Variants in SLC5A11 observed in about 807,000 individuals in gnomAD.
The protein encoded by SLC5A11 is solute carrier family 5 member 11, also known as sodium/myo-inositol cotransporter 2.
A neutral mutation model predicts 69.8 loss-of-function variants in SLC5A11; 48 were observed. The observed-to-expected ratio is 0.69, with a 90% CI of 0.55 to 0.87. The LOEUF (loss-of-function observed/expected upper bound fraction) is 0.87, where lower values mean the gene tolerates loss of function less well. SLC5A11 is among the 40% of genes least tolerant of loss of function. The pLI, the probability that SLC5A11 is intolerant of heterozygous loss-of-function variation, is 0.00. For synonymous variants in SLC5A11, 319 were observed against 342.4 expected (o/e 0.93, Z 0.75); for missense variants, 784 against 866.1 (o/e 0.91, Z 1.19).
At chr16:24,856,565 A>T (rs919679580) in intron 1 of SLC5A11, among the ~76,000 whole-genome samples, 1 of 145,208 alleles carries the variant, frequency 6.9e-6, no homozygotes, top group African/African-American at 2.6e-5. Flanking sequence ...CATCCTGGCT[A>T]ACACGGTGAA....
exon 1 of SLC5A11, chr16:24,846,243 G>A (rs1014151912): frequency 6.6e-6 from 1 of 152,518 alleles, no homozygotes; most frequent in African/African-American, 2.4e-5. Context: ...TGAGGCTGGA[G>A]TTTGGAGTTT....
At chr16:24,861,810 A>AAG (rs142733000) in intron 2 of SLC5A11, among the ~76,000 whole-genome samples, 3 of 148,608 alleles carry the variant, frequency 2.0e-5, no homozygotes, top group Admixed American at 1.3e-4. Context: ...AAGAAAAGAA[A>AAG]AAAGAAAGAA....
chr16:24,896,279 G>C (rs1013147463), intron 9 of SLC5A11, among the ~76,000 whole-genome samples: 1 of 152,006 alleles, frequency 6.6e-6, no homozygotes, highest in Admixed American at 6.6e-5. Context: ...GAGGCCAGGG[G>C]TTCAAGACCA....
intron 8 of SLC5A11, among the ~76,000 whole-genome samples, chr16:24,885,318 A>G (rs900150553): frequency 6.6e-6 from 1 of 151,970 alleles, no homozygotes; most frequent in African/African-American, 2.4e-5. Flanking sequence ...ACAGGTTTCT[A>G]TCTTTTAGAG....
At position 24,907,665 on chromosome 16, in the gene SLC5A11, G is replaced by A. The variant is rs544400773; in HGVS notation, c.1266-298G>A. ...AGAGGTTGCAGTGAGCCAAGATGAC[G>A]CACTGCACTCCCGCCTGGGTGACAG... On this transcript the variant is annotated intron_variant, in intron 12 of 15. Transcript: ENST00000347898. Among the ~76,000 whole-genome samples, 128 of 151,388 alleles carry A rather than the reference G, an allele frequency of 8.5e-4. 1 individual carries two copies. Among genetic ancestry groups the A allele is most frequent in the East Asian group, 4.5e-3 (23 of 5,142 alleles).
At chr16:24,877,334 T>C (rs938511896) in exon 7 of SLC5A11, 1 of 1,614,086 alleles carries the variant, frequency 6.2e-7, no homozygotes, top group African/African-American at 1.3e-5. Context: ...GTTGGGCTAC[T>C]GGCCATCACT....
At chr16:24,899,194 T>C (rs1263252134) in intron 10 of SLC5A11, among the ~76,000 whole-genome samples, 1 of 152,134 alleles carries the variant, frequency 6.6e-6, no homozygotes, top group East Asian at 1.9e-4. Context: ...TTCTCAACAT[T>C]GGTTCAATGG....
chr16:24,883,959 T>C (rs531806227), intron 7 of SLC5A11, 92 bp from the exon 9 acceptor site: 1 of 1,165,210 alleles, frequency 8.6e-7, no homozygotes, highest in African/African-American at 1.5e-5. Flanking sequence ...AAATCTCCCA[T>C]CGGGTCCTGG....
At chr16:24,868,103 T>G (rs2047026152) in intron 3 of SLC5A11, among the ~76,000 whole-genome samples, 1 of 150,066 alleles carries the variant, frequency 6.7e-6, no homozygotes, top group Non-Finnish European at 1.5e-5. Context: ...CACCATTGCA[T>G]TCCAGCCTGG....
At chr16:24,891,841 G>A (rs1395130166) in intron 9 of SLC5A11, among the ~76,000 whole-genome samples, 5 of 152,070 alleles carry the variant, frequency 3.3e-5, no homozygotes, top group Admixed American at 6.6e-5. Flanking sequence ...AATGGGAGTA[G>A]ACGGAGATAA....
intron 14 of SLC5A11, among the ~76,000 whole-genome samples, chr16:24,909,404 C>T (rs1401734530): frequency 1.3e-5 from 2 of 152,022 alleles, no homozygotes; most frequent in African/African-American, 2.4e-5. Flanking sequence ...CTTCGGGAAG[C>T]TGAGATGGGA....
intron 14 of SLC5A11, among the ~76,000 whole-genome samples, chr16:24,909,724 G>T (rs1203740513): frequency 6.7e-6 from 1 of 150,230 alleles, no homozygotes. Context: ...AGCTGCTAGG[G>T]AGGCTGAGGC....
chr16:24,860,897 T>G (rs923123009), intron 2 of SLC5A11, among the ~76,000 whole-genome samples: 1 of 151,920 alleles, frequency 6.6e-6, no homozygotes, highest in African/African-American at 2.4e-5. Flanking sequence ...TTAGTAGAGA[T>G]GGGGTTTCAC....
chr16:24,869,595 A>G (rs1367187297), intron 3 of SLC5A11, among the ~76,000 whole-genome samples: 2 of 152,118 alleles, frequency 1.3e-5, no homozygotes, highest in African/African-American at 4.8e-5. Flanking sequence ...CGACCCCCGC[A>G]GGGATACTGC....
exon 1 of SLC5A11, chr16:24,846,293 G>A (rs963019260): frequency 3.9e-5 from 6 of 152,334 alleles, no homozygotes; most frequent in East Asian, 1.9e-4. Flanking sequence ...GCATATAGGA[G>A]GAAGGGTCAC....
At chr16:24,872,060 G>T (rs931183672) in intron 4 of SLC5A11, 100 bp from the exon 6 acceptor site, 1 of 1,333,026 alleles carries the variant, frequency 7.5e-7, no homozygotes, top group South Asian at 1.2e-5. Flanking sequence ...TACACCAGAG[G>T]TGGAGTTCAG....
chr16:24,855,556 G>A (rs771910446), intron 1 of SLC5A11, among the ~76,000 whole-genome samples: 4 of 151,864 alleles, frequency 2.6e-5, no homozygotes, highest in Non-Finnish European at 5.9e-5. Flanking sequence ...AGCTGTGATT[G>A]TGCCACTGTA....
chr16:24,907,915 G>A, intron 12 of SLC5A11, 48 bp from the exon 14 acceptor site: 3 of 1,471,344 alleles, frequency 2.0e-6, no homozygotes, highest in Non-Finnish European at 2.8e-6. Context: ...GGAAAGAGGA[G>A]TAAATGTTCA....
At chr16:24,871,419 C>T (rs143973638) in intron 4 of SLC5A11, among the ~76,000 whole-genome samples, 3 of 152,198 alleles carry the variant, frequency 2.0e-5, no homozygotes, top group African/African-American at 4.8e-5. Flanking sequence ...CACAGGTGCA[C>T]GCCACCATGC....
Sources: gnomAD v4.1 joint callset for allele counts (sites outside exome capture counted in the v4.1 genomes callset) on GRCh38, gnomAD v4.1.1 for gene constraint, MANE v1.5 for transcripts, NCBI Gene and HGNC (gene_info 2026-07-23, HGNC 2026-07-21) for gene names.